The following BAZ2B variants were observed in gnomAD, a reference collection of about 807,000 sequenced individuals.
The protein encoded by BAZ2B is bromodomain adjacent to zinc finger domain protein 2B.
In BAZ2B, 91 loss-of-function variants were observed where a neutral mutation model predicts 246.0. The ratio of observed to expected loss-of-function variants is 0.37; its 90% CI spans 0.31 to 0.44. The LOEUF is 0.44. Ranked by LOEUF, BAZ2B falls within the 20% of genes least tolerant of loss-of-function variation. The pLI is 1.00. For missense variants in BAZ2B, 2,332 were observed against 2,533.7 expected (o/e 0.92, Z 1.71); for synonymous variants, 855 against 860.0 (o/e 0.99, Z 0.10).
chr2:159,610,336 T>C (rs1694441275), intron 1 of BAZ2B, among the ~76,000 whole-genome samples: 1 of 152,146 alleles, frequency 6.6e-6, no homozygotes. Context: ...CCTCTAGGGT[T>C]TGCATACAAA....
intron 2 of BAZ2B, among the ~76,000 whole-genome samples, chr2:159,533,213 T>A (rs1578150606): frequency 1.3e-5 from 2 of 152,178 alleles, no homozygotes; most frequent in East Asian, 3.9e-4. Flanking sequence ...CAAGAGTTGT[T>A]ATCTTGTTGT....
At chr2:159,422,913 GAT>G (rs2069032573) in intron 13 of BAZ2B, among the ~76,000 whole-genome samples, 2 of 151,986 alleles carry the variant, frequency 1.3e-5, no homozygotes, top group Non-Finnish European at 2.9e-5. Context: ...CTGAAAAAAA[GAT>G]ACATGGAGCC....
chr2:159,599,622 A>T (rs9636279), intron 1 of BAZ2B, among the ~76,000 whole-genome samples: 83,088 of 150,016 alleles, frequency 0.55, 23,716 homozygotes, highest in East Asian at 0.74. Flanking sequence ...CTGTCTCAAA[A>T]AAAAAAAAGA....
intron 2 of BAZ2B, among the ~76,000 whole-genome samples, chr2:159,496,005 A>G (rs1330931754): frequency 2.0e-5 from 3 of 150,842 alleles, no homozygotes; most frequent in African/African-American, 7.3e-5. Context: ...TCCTGACCTC[A>G]TGATCCGCCT....
chr2:159,565,781 A>T (rs2090347833), intron 1 of BAZ2B, among the ~76,000 whole-genome samples: 1 of 148,374 alleles, frequency 6.7e-6, no homozygotes, highest in Non-Finnish European at 1.5e-5. Context: ...CCATCTCAAA[A>T]AAAAAAAAAA....
intron 2 of BAZ2B, among the ~76,000 whole-genome samples, chr2:159,488,035 T>C (rs1303041181): frequency 6.6e-6 from 1 of 151,900 alleles, no homozygotes; most frequent in Non-Finnish European, 1.5e-5. Context: ...CACAGCCCAA[T>C]TGGATTTTTT....
chr2:159,673,523 G>T, the BAZ2B span, among the ~76,000 whole-genome samples: 9 of 152,096 alleles, frequency 5.9e-5, no homozygotes, highest in African/African-American at 1.4e-4. Context: ...TGAATATACA[G>T]CTCTAAATGC....
chr2:159,624,223 T>TC, the BAZ2B span, among the ~76,000 whole-genome samples: 1 of 152,116 alleles, frequency 6.6e-6, no homozygotes, highest in African/African-American at 2.4e-5. Flanking sequence ...AACCCCCAAC[T>TC]CCCTGGGACA....
chr2:159,352,658 G>T (rs991096325), intron 27 of BAZ2B, among the ~76,000 whole-genome samples: 14 of 152,030 alleles, frequency 9.2e-5, no homozygotes, highest in Admixed American at 3.3e-4. Context: ...AGTAATTTTT[G>T]TATTTTTTGT....
intron 2 of BAZ2B, among the ~76,000 whole-genome samples, chr2:159,544,387 G>A (rs1240200278): frequency 2.0e-5 from 3 of 152,148 alleles, no homozygotes; most frequent in African/African-American, 7.2e-5. Context: ...AATAGGATTT[G>A]ATACCAGCTT....
chr2:159,414,406 A>C (rs1392331285), intron 13 of BAZ2B, among the ~76,000 whole-genome samples: 1 of 152,254 alleles, frequency 6.6e-6, no homozygotes, highest in Non-Finnish European at 1.5e-5. Context: ...ATACATTTAA[A>C]AAAACCTAAA....
intron 1 of BAZ2B, among the ~76,000 whole-genome samples, chr2:159,573,956 C>G (rs960979197): frequency 1.3e-5 from 2 of 152,020 alleles, no homozygotes; most frequent in African/African-American, 2.4e-5. Context: ...TAAAAATTGG[C>G]TGGGTGTGTT....
At chr2:159,682,653 T>C in the BAZ2B span, among the ~76,000 whole-genome samples, 4 of 152,170 alleles carry the variant, frequency 2.6e-5, no homozygotes, top group African/African-American at 7.2e-5. Context: ...CAGCCAACTA[T>C]GTAGGGGCAT....
chr2:159,531,807 C>A (rs977417744), intron 2 of BAZ2B, among the ~76,000 whole-genome samples: 18 of 152,294 alleles, frequency 1.2e-4, no homozygotes, highest in African/African-American at 4.3e-4. Flanking sequence ...CAACTACAAG[C>A]ATGAAGCCCA....
chr2:159,549,629 CATA>C (rs2087862735), intron 2 of BAZ2B, among the ~76,000 whole-genome samples: 1 of 152,114 alleles, frequency 6.6e-6, no homozygotes, highest in Non-Finnish European at 1.5e-5. Flanking sequence ...AAAAAAATCT[CATA>C]ATGTTTTGAT....
At chr2:159,679,841 G>T in the BAZ2B span, among the ~76,000 whole-genome samples, 1 of 152,112 alleles carries the variant, frequency 6.6e-6, no homozygotes, top group African/African-American at 2.4e-5. Flanking sequence ...CTCTGCCCAG[G>T]GCATACATCA....
rs144999902 is a variant in BAZ2B at position 159,352,920 on chromosome 2, G to A, written c.4214-2563C>T. Among the ~76,000 whole-genome samples the A allele has an allele frequency of 1.7e-3, 255 of 152,278 alleles. 1 individual carries two copies. Among genetic ancestry groups the A allele is most frequent in the Non-Finnish European group, 2.7e-3 (187 of 68,010 alleles). On this transcript the variant is annotated intron_variant, in intron 27 of 36. Transcript: ENST00000392783. ...CTTGGGAGGCTGAGGTGGAAGGATC[G>A]CTTGAGCCCAGGAGTTTGAGTCCAG...
the BAZ2B span, chr2:159,690,008 G>C: frequency 2.5e-6 from 1 of 403,508 alleles, no homozygotes. Flanking sequence ...TTTGTTACAA[G>C]TAAGATCCAT....
chr2:159,711,164 A>G, the BAZ2B span, among the ~76,000 whole-genome samples: 1 of 152,196 alleles, frequency 6.6e-6, no homozygotes, highest in Admixed American at 6.5e-5. Flanking sequence ...GGGTGTATAC[A>G]TCCGTGTATC....
Sources: allele counts gnomAD v4.1 joint callset (sites outside exome capture counted in the v4.1 genomes callset), GRCh38; gene constraint gnomAD v4.1.1; transcripts MANE v1.5; gene names NCBI Gene and HGNC (gene_info 2026-07-23, HGNC 2026-07-21).